The following BMAL2 variants were observed in gnomAD, a reference collection of about 807,000 sequenced individuals.
BMAL2 encodes the protein basic helix-loop-helix ARNT-like protein 2.
At chr12:27,350,045 G>T in the BMAL2 span, among the ~76,000 whole-genome samples, 2 of 152,296 alleles carry the variant, frequency 1.3e-5, no homozygotes, top group East Asian at 3.9e-4. Context: ...CAGTTAGGAA[G>T]TTCTTCCTTT....
the BMAL2 span, among the ~76,000 whole-genome samples, chr12:27,414,632 C>T: frequency 3.3e-5 from 5 of 151,962 alleles, no homozygotes; most frequent in African/African-American, 9.7e-5. Flanking sequence ...CATATCAAAA[C>T]GTATGGAATG....
chr12:27,397,481 G>A, the BMAL2 span, among the ~76,000 whole-genome samples: 5 of 152,184 alleles, frequency 3.3e-5, no homozygotes, highest in Non-Finnish European at 7.3e-5. Flanking sequence ...CTTAGAGGAA[G>A]ACTAGAGAGC....
At chr12:27,402,729 G>A in the BMAL2 span, 8 of 1,479,924 alleles carry the variant, frequency 5.4e-6, no homozygotes, top group East Asian at 9.1e-5. Context: ...ATATTATTAA[G>A]ACTATTACTA....
the BMAL2 span, among the ~76,000 whole-genome samples, chr12:27,334,004 G>A: frequency 6.6e-6 from 1 of 152,216 alleles, no homozygotes; most frequent in Admixed American, 6.5e-5. Flanking sequence ...AGAAGTTCAG[G>A]GAAGCAGTTA....
At chr12:27,393,862 G>C in the BMAL2 span, among the ~76,000 whole-genome samples, 1 of 152,188 alleles carries the variant, frequency 6.6e-6, no homozygotes, top group Non-Finnish European at 1.5e-5. Flanking sequence ...TAATAAGTGG[G>C]TGGTGGAAAG....
chr12:27,414,328 C>G, the BMAL2 span, among the ~76,000 whole-genome samples: 6 of 152,114 alleles, frequency 3.9e-5, no homozygotes, highest in Non-Finnish European at 8.8e-5. Context: ...CGTGAACACT[C>G]CATCTGATGG....
At chr12:27,382,466 G>C in the BMAL2 span, among the ~76,000 whole-genome samples, 6 of 152,194 alleles carry the variant, frequency 3.9e-5, no homozygotes, top group Non-Finnish European at 7.3e-5. Context: ...GCAGTGGTTC[G>C]AGTGAGAGGG....
At chr12:27,340,538 T>A in the BMAL2 span, among the ~76,000 whole-genome samples, 1 of 152,166 alleles carries the variant, frequency 6.6e-6, no homozygotes, top group Non-Finnish European at 1.5e-5. Context: ...TAGGCAATGG[T>A]GATACTTCCA....
the BMAL2 span, among the ~76,000 whole-genome samples, chr12:27,337,551 C>T: frequency 2.0e-5 from 3 of 152,184 alleles, no homozygotes; most frequent in Non-Finnish European, 2.9e-5. Context: ...CCTGCCCTCC[C>T]TCTAGATGGG....
chr12:27,376,982 C>T, the BMAL2 span, among the ~76,000 whole-genome samples: 368 of 102,172 alleles, frequency 3.6e-3, 1 homozygote, highest in Non-Finnish European at 4.5e-3. Flanking sequence ...GCCTGGGCGA[C>T]AGAGCAAAAC....
chr12:27,369,293 T>C, the BMAL2 span, among the ~76,000 whole-genome samples: 2 of 142,758 alleles, frequency 1.4e-5, no homozygotes, highest in South Asian at 2.2e-4. Context: ...TTTTTTTCTT[T>C]TTTGGTGGGG....
chr12:27,405,921 A>C, the BMAL2 span, among the ~76,000 whole-genome samples: 3 of 152,240 alleles, frequency 2.0e-5, no homozygotes, highest in East Asian at 3.9e-4. Flanking sequence ...AGCTGAAAAC[A>C]ACGGCATGAG....
chr12:27,401,715 A>G, the BMAL2 span: 3 of 1,414,894 alleles, frequency 2.1e-6, no homozygotes, highest in Admixed American at 2.3e-5. Context: ...ATTGATTTCA[A>G]ATGAGTCTCT....
the BMAL2 span, chr12:27,402,777 A>G: frequency 3.6e-6 from 4 of 1,111,162 alleles, no homozygotes; most frequent in Non-Finnish European, 5.0e-6. Context: ...TTTGAAGGTG[A>G]AATTAAAAGT....
the BMAL2 span, among the ~76,000 whole-genome samples, chr12:27,383,711 C>G: frequency 6.6e-6 from 1 of 152,206 alleles, no homozygotes; most frequent in Non-Finnish European, 1.5e-5. Context: ...CACTCAGAGT[C>G]TGCGTTCTTC....
chr12:27,367,411 G>A, the BMAL2 span, among the ~76,000 whole-genome samples: 5 of 152,168 alleles, frequency 3.3e-5, no homozygotes, highest in South Asian at 6.2e-4. Flanking sequence ...AGTTGACCAC[G>A]GGTAACTGAA....
chr12:27,377,931 A>G, the BMAL2 span, among the ~76,000 whole-genome samples: 1 of 150,710 alleles, frequency 6.6e-6, no homozygotes, highest in South Asian at 2.1e-4. Context: ...CACAGCCTTC[A>G]TCGGTGTTCC....
chr12:27,373,278 C>T, the BMAL2 span, among the ~76,000 whole-genome samples: 245 of 152,180 alleles, frequency 1.6e-3, 1 homozygote, highest in African/African-American at 5.6e-3. Flanking sequence ...AGTGTGCCCA[C>T]GTTTTCTGAC....
chr12:27,371,889 C>T, the BMAL2 span, among the ~76,000 whole-genome samples: 3 of 152,184 alleles, frequency 2.0e-5, no homozygotes, highest in Non-Finnish European at 2.9e-5. Context: ...CAATAGCATT[C>T]CCATTCTCCT....
Sources: allele counts gnomAD v4.1 joint callset (sites outside exome capture counted in the v4.1 genomes callset), GRCh38; gene constraint gnomAD v4.1.1; transcripts MANE v1.5; gene names NCBI Gene and HGNC (gene_info 2026-07-23, HGNC 2026-07-21).